Variants in SPATA13 observed in about 807,000 individuals in gnomAD.
The protein encoded by SPATA13 is spermatogenesis associated 13.
Under a neutral mutation model 104.0 loss-of-function variants are expected in SPATA13, and 50 were observed. That is an observed-to-expected ratio of 0.48 (90% CI 0.38 to 0.61). The LOEUF (loss-of-function observed/expected upper bound fraction) is 0.61. Among genes scored for constraint, SPATA13 ranks in the 20% least tolerant of loss-of-function variants. SPATA13 has a pLI of 0.00. For missense variants in SPATA13, 1,524 were observed against 1,690.6 expected (o/e 0.90, Z 1.73); for synonymous variants, 606 against 667.5 (o/e 0.91, Z 1.42).
intron 3 of SPATA13, among the ~76,000 whole-genome samples, chr13:24,150,092 G>A (rs75899372): frequency 0.015 from 2,288 of 152,144 alleles, 77 homozygotes; most frequent in African/African-American, 0.051. Context: ...GACGGAGCTG[G>A]GCAATGCTGA....
chr13:23,982,867 C>G (rs139042493), intron 1 of SPATA13, among the ~76,000 whole-genome samples: 4 of 152,312 alleles, frequency 2.6e-5, no homozygotes, highest in Non-Finnish European at 5.9e-5. Flanking sequence ...CTTCGGGAGG[C>G]TGGGTCTCCC....
chr13:24,090,332 A>T (rs61945476), intron 3 of SPATA13, among the ~76,000 whole-genome samples: 12,044 of 152,102 alleles, frequency 0.079, 562 homozygotes, highest in African/African-American at 0.12. Flanking sequence ...CCCCTTTCAT[A>T]GCTCCAGCCC....
rs748289915 is a variant in SPATA13 at position 24,251,773 on chromosome 13, C to T, written c.2075C>T (p.Ser692Leu). Residue 692 changes from serine to leucine, a missense_variant, in exon 4 of 13, where the codon TCG (serine) becomes TTG (leucine). Physicochemically the swap from Ser to Leu is moderately radical, Grantham distance 145 (BLOSUM62 -2). Transcript: ENST00000382108. Reference protein sequence around the residue: ...AHQVPPYKAVSARFRPFTFSQ... With the variant: ...AHQVPPYKAVLARFRPFTFSQ... ...CAGGTGCCACCCTACAAGGCTGTGT[C>T]GGCCCGGTTCCGGCCCTTCACATTC... 3.2e-5 allele frequency: 52 copies of T among 1,614,106 alleles called. No individual in the cohort carries two copies. Among genetic ancestry groups the T allele is most frequent in the Admixed American group, 1.7e-4 (10 of 60,010 alleles).
At chr13:24,227,532 CA>C (rs1225698685) in intron 2 of SPATA13, among the ~76,000 whole-genome samples, 3 of 152,092 alleles carry the variant, frequency 2.0e-5, no homozygotes, top group Non-Finnish European at 4.4e-5. Context: ...AATTTGCCTC[CA>C]GATATTCATC....
chr13:24,121,962 C>T, intron 3 of SPATA13: 1 of 780,386 alleles, frequency 1.3e-6, no homozygotes, highest in East Asian at 2.5e-5. Context: ...TCCATCTATT[C>T]ATCATTAGTT....
At chr13:23,985,478 A>G (rs1212026115) in intron 2 of SPATA13, among the ~76,000 whole-genome samples, 2 of 152,148 alleles carry the variant, frequency 1.3e-5, no homozygotes, top group Admixed American at 6.5e-5. Context: ...CCCATCCCCA[A>G]TCCAGGCTCT....
At chr13:24,095,799 A>G (rs1325112562) in intron 3 of SPATA13, among the ~76,000 whole-genome samples, 4 of 152,176 alleles carry the variant, frequency 2.6e-5, no homozygotes, top group Non-Finnish European at 5.9e-5. Flanking sequence ...ATCCCAGCGA[A>G]GTGCTTTGGA....
chr13:24,221,872 G>T (rs2861540), intron 1 of SPATA13, among the ~76,000 whole-genome samples: 105,869 of 148,698 alleles, frequency 0.71, 38,046 homozygotes, highest in African/African-American at 0.8. Flanking sequence ...GAGTGCAGTG[G>T]CGCAATCTTG....
chr13:24,251,801 C>T lies in SPATA13; in HGVS notation c.2103C>T (p.Ser701=), dbSNP rs1873501156. The change falls in exon 4 of 13, where the codon TCC becomes TCT. Residue 701 remains serine (S), a synonymous_variant. Coordinates refer to ENST00000382108, the MANE Select transcript of SPATA13 (RefSeq NM_001166271.3). The stretch of plus-strand genomic sequence containing the variant: ...CCCGGTTCCGGCCCTTCACATTCTC[C>T]CAGAGCACCCCCATTGGGTTGGACC... The part of the protein sequence containing the change: ...VSARFRPFTF[S]QSTPIGLDRV... 6.2e-7 allele frequency: 1 copy of T among 1,614,074 alleles called. No homozygotes were observed. Among genetic ancestry groups the T allele is most frequent in the Admixed American group, 1.7e-5 (1 of 60,010 alleles).
rs1876484435 is a variant in SPATA13, at chr13:24,011,900, T to C, written c.-146-5767T>C. On this transcript the variant is annotated intron_variant, in intron 2 of 14. Transcript: ENST00000424834. The surrounding 1 kb of genome is among the most constrained non-coding windows in gnomAD (Gnocchi z 4.3). Reference sequence around the variant, plus strand: ...TCCCACAGACCCAGAATGCTCAGCCTTCTTCTTTAAACTTGCAGCGGAGGC... The same window carrying C: ...TCCCACAGACCCAGAATGCTCAGCCCTCTTCTTTAAACTTGCAGCGGAGGC... Among the ~76,000 whole-genome samples, 1 of 91,386 alleles carries C rather than the reference T, an allele frequency of 1.1e-5. No homozygotes were observed. Among genetic ancestry groups the C allele is most frequent in the African/African-American group, 2.8e-5 (1 of 35,748 alleles). 60.0% of individuals were successfully genotyped at this position (91,386 alleles called of 152,430 possible). A position where few individuals can be genotyped will look rare whatever the true frequency, so the allele number is the denominator to read the frequency against.
At chr13:24,299,230 A>T (rs552143984) in intron 11 of SPATA13, among the ~76,000 whole-genome samples, 1 of 152,142 alleles carries the variant, frequency 6.6e-6, no homozygotes, top group African/African-American at 2.4e-5. Context: ...GGGGCATCCT[A>T]TGTGCTTTCA....
At chr13:24,135,766 T>C (rs1446262941) in intron 3 of SPATA13, among the ~76,000 whole-genome samples, 1 of 151,748 alleles carries the variant, frequency 6.6e-6, no homozygotes, top group African/African-American at 2.4e-5. Flanking sequence ...AGCTTTTTGC[T>C]AATCCTTAGA....
intron 3 of SPATA13, among the ~76,000 whole-genome samples, chr13:24,110,291 A>T (rs12017641): frequency 0.015 from 2,241 of 151,858 alleles, 70 homozygotes; most frequent in African/African-American, 0.051. Flanking sequence ...TGAGGAAGGG[A>T]GGGGAGGATG....
intron 1 of SPATA13, chr13:24,162,396 T>G (rs1354638670): frequency 6.4e-6 from 1 of 155,324 alleles, no homozygotes; most frequent in African/African-American, 2.4e-5. Context: ...CCATGCTCCA[T>G]CAGCATCCCT....
chr13:24,066,856 G>A (rs113632702), intron 3 of SPATA13, among the ~76,000 whole-genome samples: 4 of 152,242 alleles, frequency 2.6e-5, no homozygotes, highest in East Asian at 1.9e-4. Flanking sequence ...CAGAGACTCC[G>A]GCCAGATCTG....
chr13:24,105,861 G>A (rs962137243), intron 3 of SPATA13, among the ~76,000 whole-genome samples: 7 of 152,142 alleles, frequency 4.6e-5, no homozygotes, highest in Admixed American at 3.9e-4. Flanking sequence ...GACACACACA[G>A]AGGGTAGACC....
At chr13:24,220,272 T>G (rs1871500987) in intron 1 of SPATA13, among the ~76,000 whole-genome samples, 1 of 152,172 alleles carries the variant, frequency 6.6e-6, no homozygotes, top group African/African-American at 2.4e-5. Context: ...GGGCCCTTGT[T>G]TCCTTCTTGG....
At chr13:24,028,173 A>G (rs115133986) in intron 3 of SPATA13, among the ~76,000 whole-genome samples, 18 of 152,298 alleles carry the variant, frequency 1.2e-4, no homozygotes, top group African/African-American at 4.1e-4. Context: ...TATTATTATT[A>G]TCTTCTACTT....
At chr13:24,079,603 A>T (rs1259395872) in intron 3 of SPATA13, among the ~76,000 whole-genome samples, 3 of 152,134 alleles carry the variant, frequency 2.0e-5, no homozygotes, top group African/African-American at 7.2e-5. Flanking sequence ...GGGGGTCCTG[A>T]CGGCTTGAGG....
Sources: gnomAD v4.1 joint callset for allele counts (sites outside exome capture counted in the v4.1 genomes callset) on GRCh38, gnomAD v4.1.1 for gene constraint, Gnocchi (gnomAD v3.1) non-coding constraint, MANE v1.5 for transcripts, NCBI Gene and HGNC (gene_info 2026-07-23, HGNC 2026-07-21) for gene names.